The following NELL1 variants were observed in gnomAD, a reference collection of about 807,000 sequenced individuals.
NELL1 encodes the protein neural EGFL like 1, also known as protein kinase C-binding protein NELL1.
A neutral mutation model predicts 107.4 loss-of-function variants in NELL1; 76 were observed. The ratio of observed to expected loss-of-function variants is 0.71; its 90% CI spans 0.59 to 0.86. The LOEUF (loss-of-function observed/expected upper bound fraction) is 0.86, where lower values mean the gene tolerates loss of function less well. Ranked by LOEUF, NELL1 falls within the 40% of genes least tolerant of loss-of-function variation. The pLI, the probability that NELL1 is intolerant of heterozygous loss-of-function variation, is 0.00. For synonymous variants in NELL1, 353 were observed against 341.2 expected, an observed-to-expected ratio of 1.03 and a Z score of -0.38; for missense variants, 1,024 against 1,005.5, an observed-to-expected ratio of 1.02 and a Z score of -0.25.
intron 1 of NELL1, among the ~76,000 whole-genome samples, chr11:20,677,116 A>G (rs1252824955): frequency 6.6e-6 from 1 of 152,214 alleles, no homozygotes; most frequent in Admixed American, 6.5e-5. Flanking sequence ...AAAAAGAGTT[A>G]TCAGGGTATC....
intron 12 of NELL1, among the ~76,000 whole-genome samples, chr11:21,107,231 C>G (rs757500887): frequency 2.6e-5 from 4 of 152,022 alleles, no homozygotes; most frequent in Non-Finnish European, 4.4e-5. Flanking sequence ...ATATAATAAC[C>G]TGAATCCACC....
intron 14 of NELL1, among the ~76,000 whole-genome samples, chr11:21,266,563 G>A (rs1180982320): frequency 6.6e-6 from 1 of 151,994 alleles, no homozygotes; most frequent in Non-Finnish European, 1.5e-5. Context: ...TTTGAATGTT[G>A]CACTTCTCTT....
intron 12 of NELL1, among the ~76,000 whole-genome samples, chr11:20,982,361 C>G (rs189005748): frequency 6.6e-6 from 1 of 152,118 alleles, no homozygotes; most frequent in Non-Finnish European, 1.5e-5. Flanking sequence ...TTTACTCTGA[C>G]GTCTTTCAGT....
intron 15 of NELL1, among the ~76,000 whole-genome samples, chr11:21,531,374 A>G (rs958296216): frequency 3.3e-5 from 5 of 152,206 alleles, no homozygotes; most frequent in African/African-American, 1.2e-4. Flanking sequence ...TCAACAAGAT[A>G]TGATAGTTGT....
At chr11:21,024,149 C>G (rs929893712) in intron 12 of NELL1, among the ~76,000 whole-genome samples, 10 of 152,036 alleles carry the variant, frequency 6.6e-5, no homozygotes, top group African/African-American at 2.4e-4. Flanking sequence ...TGTGGAAACA[C>G]CAGGTCATTC....
chr11:20,791,773 T>C (rs1276365951), intron 3 of NELL1, among the ~76,000 whole-genome samples: 1 of 150,726 alleles, frequency 6.6e-6, no homozygotes, highest in African/African-American at 2.4e-5. Context: ...CTTTATCATA[T>C]TGGAGAAGTC....
chr11:20,965,460 G>A (rs532933142), intron 12 of NELL1, among the ~76,000 whole-genome samples: 2 of 152,124 alleles, frequency 1.3e-5, no homozygotes, highest in Non-Finnish European at 2.9e-5. Context: ...GACCAAATTG[G>A]CAGGTAGCAG....
chr11:20,917,308 C>A (rs1384932764), intron 5 of NELL1, among the ~76,000 whole-genome samples: 1 of 151,838 alleles, frequency 6.6e-6, no homozygotes, highest in East Asian at 1.9e-4. Flanking sequence ...ATTAATATTT[C>A]CAATTAATAT....
intron 4 of NELL1, among the ~76,000 whole-genome samples, chr11:20,874,626 C>T (rs960755896): frequency 3.3e-5 from 5 of 152,146 alleles, no homozygotes; most frequent in Non-Finnish European, 7.4e-5. Context: ...GAGACAGTGC[C>T]TCTCCATCTC....
intron 5 of NELL1, among the ~76,000 whole-genome samples, chr11:20,895,299 A>AAAAAG (rs1849706869): frequency 7.8e-6 from 1 of 128,058 alleles, no homozygotes; most frequent in Non-Finnish European, 1.6e-5. Context: ...AAAAAAAAAA[A>AAAAAG]AAAAAAAAAA....
Position 21,170,845 on chromosome 11 carries a change from T to A in NELL1, c.1426+57131T>A, listed in dbSNP as rs1023645139. Among the ~76,000 whole-genome samples, 26 of 151,640 alleles carry A rather than the reference T, an allele frequency of 1.7e-4. 1 individual carries two copies. Among genetic ancestry groups the A allele is most frequent in the African/African-American group, 5.1e-4 (21 of 41,062 alleles). On this transcript the variant is annotated intron_variant, in intron 13 of 19. Coordinates refer to ENST00000357134, the MANE Select transcript of NELL1 (RefSeq NM_006157.5). Reference sequence around the variant, plus strand: ...CATTTTCTTGGCTTGCTATAATCCTTCTTGATTTATGTTCTATTAACTTAC... The same window carrying A: ...CATTTTCTTGGCTTGCTATAATCCTACTTGATTTATGTTCTATTAACTTAC...
intron 15 of NELL1, among the ~76,000 whole-genome samples, chr11:21,403,299 T>C (rs1452777503): frequency 6.6e-6 from 1 of 151,720 alleles, no homozygotes; most frequent in African/African-American, 2.4e-5. Context: ...CCTGTGTCAG[T>C]GCTGGGAAGC....
chr11:21,422,929 A>G (rs1852723101), intron 15 of NELL1, among the ~76,000 whole-genome samples: 1 of 152,142 alleles, frequency 6.6e-6, no homozygotes, highest in African/African-American at 2.4e-5. Context: ...TGATCCAGCT[A>G]TGCACTGTCT....
rs938332335 is a variant in NELL1 at position 21,535,473 on chromosome 11, T to A, written c.1786+959T>A. Among the ~76,000 whole-genome samples the A allele has an allele frequency of 2.6e-5, 4 of 152,200 alleles. No individual in the cohort carries two copies. The South Asian group carries it at 8.3e-4, about 32-fold the overall frequency. On this transcript the variant is annotated intron_variant, in intron 16 of 19. Transcript: ENST00000357134. ...TGCTGCTGAGATATAGTCAGTGTTT[T>A]TTCAACTTCTCCACTGATGTTGATG... is the stretch of plus-strand genomic sequence containing the variant.
At chr11:21,219,023 C>CTACTGTGATAGA (rs1287348090) in intron 13 of NELL1, among the ~76,000 whole-genome samples, 1 of 152,144 alleles carries the variant, frequency 6.6e-6, no homozygotes, top group Non-Finnish European at 1.5e-5. Context: ...TGCTGGATCA[C>CTACTGTGATAGA]ACAGTGGTTC....
At chr11:21,424,886 C>G (rs998359139) in intron 15 of NELL1, among the ~76,000 whole-genome samples, 1 of 152,066 alleles carries the variant, frequency 6.6e-6, no homozygotes, top group Non-Finnish European at 1.5e-5. Context: ...ATGACAAAAT[C>G]AAGCTTTTCC....
chr11:21,120,366 A>G (rs1855337324), intron 13 of NELL1, among the ~76,000 whole-genome samples: 1 of 152,194 alleles, frequency 6.6e-6, no homozygotes, highest in Admixed American at 6.6e-5. Flanking sequence ...TTGATGAAAT[A>G]GAGAATATTT....
At chr11:20,822,131 G>C (rs1273192919) in intron 3 of NELL1, among the ~76,000 whole-genome samples, 1 of 152,198 alleles carries the variant, frequency 6.6e-6, no homozygotes, top group Non-Finnish European at 1.5e-5. Flanking sequence ...GCAGTGAAGA[G>C]TAGACTGAGG....
intron 12 of NELL1, among the ~76,000 whole-genome samples, chr11:21,003,906 A>G (rs1852276212): frequency 1.3e-5 from 2 of 152,202 alleles, no homozygotes; most frequent in Admixed American, 1.3e-4. Flanking sequence ...AGTACTAAAT[A>G]TAATATACAG....
Sources: gnomAD v4.1 joint callset for allele counts (sites outside exome capture counted in the v4.1 genomes callset) on GRCh38, gnomAD v4.1.1 for gene constraint, MANE v1.5 for transcripts, NCBI Gene and HGNC (gene_info 2026-07-23, HGNC 2026-07-21) for gene names.